The following EIF2A variants were observed in gnomAD, a reference collection of about 807,000 sequenced individuals.
EIF2A encodes eukaryotic translation initiation factor 2A.
A neutral mutation model predicts 75.2 loss-of-function variants in EIF2A; 62 were observed. The observed-to-expected ratio is 0.82, with a 90% CI of 0.67 to 1.02. The LOEUF is 1.02. Among genes scored for constraint, EIF2A ranks in the 50% least tolerant of loss-of-function variants. The pLI is 0.00. For missense variants in EIF2A, 611 were observed against 677.7 expected (o/e 0.90, Z 1.09); for synonymous variants, 207 against 239.0 (o/e 0.87, Z 1.23).
At chr3:150,573,205 A>G (rs1724642166) in intron 10 of EIF2A, among the ~76,000 whole-genome samples, 1 of 152,204 alleles carries the variant, frequency 6.6e-6, no homozygotes, top group South Asian at 2.1e-4. Context: ...GGAGAAATTG[A>G]TACAGAAAAT....
At chr3:150,573,308 A>C (rs980818681) in intron 10 of EIF2A, among the ~76,000 whole-genome samples, 9 of 152,214 alleles carry the variant, frequency 5.9e-5, no homozygotes, top group African/African-American at 2.2e-4. Flanking sequence ...GCTGGAGTGC[A>C]GTGGCGCGAT....
intron 10 of EIF2A, among the ~76,000 whole-genome samples, chr3:150,574,389 C>T (rs576565387): frequency 5.9e-5 from 9 of 152,222 alleles, no homozygotes; most frequent in Admixed American, 2.0e-4. Flanking sequence ...CTTATCTTTT[C>T]TTCTTGTATC....
chr3:150,550,990 C>T (rs866733883), intron 1 of EIF2A, among the ~76,000 whole-genome samples: 2 of 152,298 alleles, frequency 1.3e-5, no homozygotes, highest in Middle Eastern at 6.8e-3. Flanking sequence ...CTTCATCATC[C>T]TCTAGCCACA....
At chr3:150,576,257 G>A (rs1724859567) in intron 11 of EIF2A, among the ~76,000 whole-genome samples, 1 of 152,062 alleles carries the variant, frequency 6.6e-6, no homozygotes, top group Non-Finnish European at 1.5e-5. Flanking sequence ...GGGCAACATA[G>A]TGAGACCCCC....
chr3:150,546,802 C>T lies in EIF2A; in HGVS notation c.-1C>T, dbSNP rs201718601. On this transcript the variant is annotated 5_prime_UTR_variant, in exon 1 of 14. Coordinates refer to ENST00000460851, the MANE Select transcript of EIF2A (RefSeq NM_032025.5). ...CGAGCGGTTTCTCTTTCCGGGACAA[C>T]ATGGCGCCGTCCACGCCGCTCTTGA... The T allele has an allele frequency of 2.5e-6, 4 of 1,612,596 alleles. No homozygotes were observed. Among genetic ancestry groups the T allele is most frequent in the Admixed American group, 1.7e-5 (1 of 60,034 alleles).
At chr3:150,580,052 G>A (rs1396571886) in intron 11 of EIF2A, among the ~76,000 whole-genome samples, 2 of 152,028 alleles carry the variant, frequency 1.3e-5, no homozygotes, top group African/African-American at 4.8e-5. Context: ...CCTGTGCAAC[G>A]AAGCAAGTAT....
chr3:150,555,769 GCTACA>G (rs1723532885), intron 2 of EIF2A, among the ~76,000 whole-genome samples: 2 of 152,174 alleles, frequency 1.3e-5, no homozygotes, highest in African/African-American at 4.8e-5. Context: ...AAAGTTATGT[GCTACA>G]CTTCATTAGG....
chr3:150,549,169 G>A (rs950944165), intron 1 of EIF2A, among the ~76,000 whole-genome samples: 1 of 151,396 alleles, frequency 6.6e-6, no homozygotes, highest in Non-Finnish European at 1.5e-5. Flanking sequence ...AGTACTGCTA[G>A]ATCCAGATAC....
At chr3:150,582,025 G>T (rs1725214070) in intron 12 of EIF2A, among the ~76,000 whole-genome samples, 1 of 151,544 alleles carries the variant, frequency 6.6e-6, no homozygotes, top group African/African-American at 2.4e-5. Context: ...TTTTGAGACG[G>T]AGTCTTGCCC....
At chr3:150,571,000 A>G (rs1724483039) in intron 9 of EIF2A, among the ~76,000 whole-genome samples, 1 of 151,678 alleles carries the variant, frequency 6.6e-6, no homozygotes, top group Admixed American at 6.6e-5. Context: ...TGGGAGGCAG[A>G]GGTTGCATTG....
chr3:150,546,946 TGCGGAAAG>T, intron 1 of EIF2A, 116 bp downstream of exon 1: 1 of 1,445,170 alleles, frequency 6.9e-7, no homozygotes, highest in Non-Finnish European at 9.5e-7. Context: ...TCTTGTGGCT[TGCGGAAAG>T]GCCAGACTGT....
At chr3:150,551,051 G>T (rs1723290450) in intron 1 of EIF2A, among the ~76,000 whole-genome samples, 1 of 152,152 alleles carries the variant, frequency 6.6e-6, no homozygotes, top group South Asian at 2.1e-4. Flanking sequence ...TTTCCATGGG[G>T]TTTTTGCACT....
Position 150,551,632 on chromosome 3 carries a change from C to T in EIF2A, c.29-724C>T, listed in dbSNP as rs140714359. ...AGTCCCAGCTACTTGGGAAACTGAG[C>T]CAGGAGCATCACTTAAGTCCAGGAG... On this transcript the variant is annotated intron_variant, in intron 1 of 13. Transcript: ENST00000460851. Among the ~76,000 whole-genome samples the T allele has an allele frequency of 5.7e-4, 86 of 151,866 alleles. No homozygotes were observed. In the Middle Eastern group the frequency reaches 0.027, roughly 48 times the overall value.
chr3:150,559,498 C>CCTTT (rs1723737345), intron 3 of EIF2A, among the ~76,000 whole-genome samples: 1 of 110,576 alleles, frequency 9.0e-6, no homozygotes, highest in Non-Finnish European at 1.8e-5. Flanking sequence ...ATGCCCAGCC[C>CCTTT]TTTTTTTTTT....
Position 150,583,957 on chromosome 3 carries a change from A to G in EIF2A, c.*46A>G. ...GATGACCAGAAATCAGTGCAAACAC[A>G]TCTTCTGTTAAACCCATTGGTATAC... On this transcript the variant is annotated 3_prime_UTR_variant, in exon 14 of 14. Transcript: ENST00000460851. 1 of 1,583,332 alleles carries G rather than the reference A, an allele frequency of 6.3e-7. No homozygotes were observed. The highest frequency in any genetic ancestry group is 8.7e-7 in the Non-Finnish European group (1 of 1,153,012).
chr3:150,549,773 AAAG>A (rs1444991897), intron 1 of EIF2A, among the ~76,000 whole-genome samples: 1 of 152,136 alleles, frequency 6.6e-6, no homozygotes, highest in Non-Finnish European at 1.5e-5. Context: ...AGCGCCTCCT[AAAG>A]AAGAGGAGCT....
At chr3:150,556,037 T>C (rs1250255507) in intron 2 of EIF2A, among the ~76,000 whole-genome samples, 1 of 152,152 alleles carries the variant, frequency 6.6e-6, no homozygotes, top group Admixed American at 6.6e-5. Context: ...TGAATCTGAG[T>C]GCCAGAGCTC....
chr3:150,578,185 TTTATCA>T (rs1724977185), intron 11 of EIF2A, among the ~76,000 whole-genome samples: 1 of 151,730 alleles, frequency 6.6e-6, no homozygotes, highest in Non-Finnish European at 1.5e-5. Context: ...TTTCTTCCAC[TTTATCA>T]AAAGATATTT....
chr3:150,575,094 T>C (rs1020211224), intron 10 of EIF2A, among the ~76,000 whole-genome samples: 4 of 151,996 alleles, frequency 2.6e-5, no homozygotes, highest in African/African-American at 9.7e-5. Flanking sequence ...GCCATGTAAT[T>C]TTTTTTTGGT....
Sources: allele counts gnomAD v4.1 joint callset (sites outside exome capture counted in the v4.1 genomes callset), GRCh38; gene constraint gnomAD v4.1.1; transcripts MANE v1.5; gene names NCBI Gene and HGNC (gene_info 2026-07-23, HGNC 2026-07-21).